FBXO31: variants seen among roughly 807,000 people sequenced by gnomAD.
FBXO31 encodes the protein F-box protein 31.
In FBXO31, 24 loss-of-function variants were observed where a neutral mutation model predicts 54.4. That is an observed-to-expected ratio of 0.44 (90% CI 0.32 to 0.62). The LOEUF (loss-of-function observed/expected upper bound fraction) is 0.62, where lower values mean the gene tolerates loss of function less well. Among genes scored for constraint, FBXO31 ranks in the 20% least tolerant of loss-of-function variants. The pLI is 0.05. For synonymous variants in FBXO31, 388 were observed against 335.6 expected, an observed-to-expected ratio of 1.16 and a Z score of -1.71; for missense variants, 665 against 787.1, an observed-to-expected ratio of 0.84 and a Z score of 1.86.
rs899251585 is a variant in FBXO31 at position 87,329,887 on chromosome 16, T to A, written c.*1401A>T. 6 of 152,254 alleles carry A rather than the reference T, an allele frequency of 3.9e-5. No homozygotes were observed. Among genetic ancestry groups the A allele is most frequent in the Non-Finnish European group, 4.4e-5 (3 of 68,048 alleles). 9.4% of individuals were successfully genotyped at this position (152,254 alleles called of 1,614,324 possible). A position where few individuals can be genotyped will look rare whatever the true frequency, so the allele number is the denominator to read the frequency against. ...AATTCTTATGTTCTTTAAAGGCCAG[T>A]CAAGGAGAAATTCATCAGGAAAACA... is the stretch of plus-strand genomic sequence containing the variant. On this transcript the variant is annotated 3_prime_UTR_variant, in exon 9 of 9. Coordinates refer to ENST00000311635, the MANE Select transcript of FBXO31 (RefSeq NM_024735.5).
At position 87,331,299 on chromosome 16, in the gene FBXO31, G is replaced by A; in HGVS notation, c.1609C>T (p.Leu537Phe). The change falls in exon 9 of 9, where the codon CTC becomes TTC. Residue 537 changes from leucine (L) to phenylalanine (F), a missense_variant. Transcript: ENST00000311635. ...AAGGATGTGGCCGGTCAGGAGGTGA[G>A]GGACTGAATGTTCTTGAGCATCTCA... ...FDEMLKNIQS[L>F]TS is the part of the protein sequence containing the mutation. The A allele has an allele frequency of 6.2e-7, 1 of 1,613,818 alleles. No homozygotes were observed. Among genetic ancestry groups the A allele is most frequent in the Non-Finnish European group, 8.5e-7 (1 of 1,179,852 alleles).
chr16:87,365,037 A>ATATATATCTATCTATC (rs1489132121), intron 1 of FBXO31, among the ~76,000 whole-genome samples: 1 of 106,892 alleles, frequency 9.4e-6, no homozygotes, highest in Non-Finnish European at 2.0e-5. Context: ...ATATATATAT[A>ATATATATCTATCTATC]TATCAGGCAG....
intron 2 of FBXO31, among the ~76,000 whole-genome samples, chr16:87,350,161 C>T (rs943118930): frequency 1.3e-5 from 2 of 152,060 alleles, no homozygotes; most frequent in African/African-American, 4.8e-5. Context: ...GGTTTCGGAG[C>T]ACTGGAGTGG....
chr16:87,372,109 A>G (rs148005637), intron 1 of FBXO31, among the ~76,000 whole-genome samples: 252 of 152,190 alleles, frequency 1.7e-3, no homozygotes, highest in Admixed American at 2.0e-3. Context: ...ATGTAGTCCT[A>G]GCTACTGGGG....
chr16:87,331,345 C>A lies in FBXO31; in HGVS notation c.1563G>T (p.Ala521=). The A allele has an allele frequency of 6.2e-7, 1 of 1,613,960 alleles. No homozygotes were observed. Among genetic ancestry groups the A allele is most frequent in the African/African-American group, 1.3e-5 (1 of 75,018 alleles). Residue 521 remains alanine (A), a synonymous_variant, in exon 9 of 9, where the codon GCG becomes GCT. Coordinates refer to ENST00000311635, the MANE Select transcript of FBXO31 (RefSeq NM_024735.5). ...RVQATFRNAD[A]PSPQAFDEML... is the part of the protein sequence containing the mutation. ...TCTCATCGAAGGCCTGTGGGGACGGCGCATCTGCGTTCCGGAAGGTGGCCT... is the reference window on the plus strand; with the variant it reads ...TCTCATCGAAGGCCTGTGGGGACGGAGCATCTGCGTTCCGGAAGGTGGCCT...
chr16:87,357,506 T>C lies in FBXO31; in HGVS notation c.412+2789A>G, dbSNP rs920737083. On this transcript the variant is annotated intron_variant, in intron 2 of 8. Coordinates refer to ENST00000311635, the MANE Select transcript of FBXO31 (RefSeq NM_024735.5). ...ACCACACCCAGCTAATTTTTGTACT[T>C]TTAGTAGAGATGAGTTTCACCATGT... is the stretch of plus-strand genomic sequence containing the variant. Among the ~76,000 whole-genome samples, 3 of 152,100 alleles carry C rather than the reference T, an allele frequency of 2.0e-5. No homozygotes were observed. In the East Asian group the frequency reaches 5.8e-4, roughly 30 times the overall value.
chr16:87,350,157 G>A (rs944468734), intron 2 of FBXO31, among the ~76,000 whole-genome samples: 10 of 152,000 alleles, frequency 6.6e-5, no homozygotes, highest in South Asian at 2.1e-4. Flanking sequence ...TGGGGGTTTC[G>A]GAGCACTGGA....
upstream of FBXO31, chr16:87,384,027 C>G: frequency 5.2e-6 from 1 of 192,844 alleles, no homozygotes; most frequent in Non-Finnish European, 1.1e-5. Flanking sequence ...TAGACTGCCC[C>G]GTGTGAGGCT....
At chr16:87,344,948 C>CG (rs1274761090) in intron 3 of FBXO31, among the ~76,000 whole-genome samples, 120 of 151,180 alleles carry the variant, frequency 7.9e-4, no homozygotes, top group Non-Finnish European at 1.0e-3. Flanking sequence ...ATCCCTGCCC[C>CG]AAACCCCACC....
chr16:87,391,391 A>T (rs1907542237), upstream of FBXO31, among the ~76,000 whole-genome samples: 2 of 152,196 alleles, frequency 1.3e-5, no homozygotes. Flanking sequence ...CAAATATCGC[A>T]TGGTGGTTTA....
intron 2 of FBXO31, 111 bp from the exon 3 acceptor site, chr16:87,347,361 A>G (rs1905436096): frequency 1.1e-6 from 1 of 885,548 alleles, no homozygotes; most frequent in Non-Finnish European, 1.9e-6. Context: ...AAGGCTTGCA[A>G]GAGCCCTCCA....
upstream of FBXO31, chr16:87,388,743 C>A (rs184661488): frequency 6.6e-5 from 10 of 152,334 alleles, no homozygotes; most frequent in East Asian, 1.4e-3. Flanking sequence ...CATTTCCCCA[C>A]GGTTATGGTC....
intron 2 of FBXO31, among the ~76,000 whole-genome samples, chr16:87,354,775 C>G (rs1466432198): frequency 6.6e-6 from 1 of 152,074 alleles, no homozygotes; most frequent in African/African-American, 2.4e-5. Context: ...TGAGACAAGC[C>G]TGGCCAAACT....
chr16:87,330,187 A>G lies in FBXO31; in HGVS notation c.*1101T>C, dbSNP rs1208091588. The G allele has an allele frequency of 6.6e-6, 1 of 152,456 alleles. No homozygotes were observed. Among genetic ancestry groups the G allele is most frequent in the East Asian group, 1.9e-4 (1 of 5,198 alleles). The allele number at this position is 152,456 out of a possible 1,614,324, so 9.4% of individuals were successfully genotyped here. A position where few individuals can be genotyped will look rare whatever the true frequency, so the allele number is the denominator to read the frequency against. On this transcript the variant is annotated 3_prime_UTR_variant, in exon 9 of 9. Transcript: ENST00000311635. ...AGCCAAGACCTCAGATGGGGTCCCC[A>G]CACGCAGGTGTTAACACAACATGGG...
At chr16:87,350,747 G>A (rs1162547643) in intron 2 of FBXO31, among the ~76,000 whole-genome samples, 2 of 151,892 alleles carry the variant, frequency 1.3e-5, no homozygotes, top group African/African-American at 4.8e-5. Context: ...ATTCAGCATT[G>A]CACTCTCTCC....
chr16:87,344,768 AAAGC>A (rs770310636), intron 3 of FBXO31, among the ~76,000 whole-genome samples: 58 of 152,186 alleles, frequency 3.8e-4, no homozygotes, highest in Non-Finnish European at 6.5e-4. Context: ...AAACATCCTA[AAAGC>A]AAGGCTGGAG....
chr16:87,332,486 A>G (rs150416215), intron 8 of FBXO31, among the ~76,000 whole-genome samples: 2 of 152,358 alleles, frequency 1.3e-5, no homozygotes, highest in African/African-American at 4.8e-5. Flanking sequence ...TTGAAGGGTA[A>G]CAGAGCTTTT....
At position 87,335,276 on chromosome 16, in the gene FBXO31, C is replaced by T. The variant is rs571502420; in HGVS notation, c.996+28G>A. 11 of 1,611,056 alleles carry T rather than the reference C, an allele frequency of 6.8e-6. No individual in the cohort carries two copies. In the African/African-American group the frequency reaches 8.0e-5, roughly 12 times the overall value. Reference sequence around the variant, plus strand: ...CACTTGGGCCAGGTGCCCCCAGAGCCCCACCAACCAGGTCAGCCGCCACTC... The same window carrying T: ...CACTTGGGCCAGGTGCCCCCAGAGCTCCACCAACCAGGTCAGCCGCCACTC... On this transcript the variant is annotated intron_variant, in intron 7 of 8. Transcript: ENST00000311635. The surrounding 1 kb of genome is among the most constrained non-coding windows in gnomAD (Gnocchi z 5.7).
At chr16:87,369,008 C>G (rs371475065) in intron 1 of FBXO31, among the ~76,000 whole-genome samples, 3 of 151,960 alleles carry the variant, frequency 2.0e-5, no homozygotes, top group Admixed American at 6.6e-5. Flanking sequence ...CGCCATGTCT[C>G]GAACTCCTGA....
Sources: gnomAD v4.1 joint callset for allele counts (sites outside exome capture counted in the v4.1 genomes callset) on GRCh38, gnomAD v4.1.1 for gene constraint, Gnocchi (gnomAD v3.1) non-coding constraint, MANE v1.5 for transcripts, NCBI Gene and HGNC (gene_info 2026-07-23, HGNC 2026-07-21) for gene names.